BCAS1: variants seen among roughly 807,000 people sequenced by gnomAD.
The protein encoded by BCAS1 is breast carcinoma-amplified sequence 1.
Under a neutral mutation model 65.4 loss-of-function variants are expected in BCAS1, and 46 were observed. That is an observed-to-expected ratio of 0.70 (90% CI 0.55 to 0.90). The LOEUF is 0.90. BCAS1 is among the 40% of genes least tolerant of loss of function. The pLI is 0.00. For missense variants in BCAS1, 793 were observed against 771.2 expected, an observed-to-expected ratio of 1.03 and a Z score of -0.33; for synonymous variants, 298 against 293.5, an observed-to-expected ratio of 1.02 and a Z score of -0.16.
At position 53,953,334 on chromosome 20, in the gene BCAS1, T is replaced by C. The variant is rs2145506427; in HGVS notation, c.1815+98A>G. ...CTGAGTGATAGACCCGGGATCCCAG[T>C]GTGAAGAGCCACATGTAGAATTTGA... On this transcript the variant is annotated intron_variant, in intron 12 of 12. Transcript: ENST00000688948. 7.6e-6 allele frequency: 11 copies of C among 1,443,920 alleles called. 1 individual carries two copies. The South Asian group carries it at 1.3e-4, about 17-fold the overall frequency. The allele number at this position is 1,443,920 out of a possible 1,614,324, so 89.4% of individuals were successfully genotyped here. A position where few individuals can be genotyped will look rare whatever the true frequency, so the allele number is the denominator to read the frequency against.
intron 3 of BCAS1, among the ~76,000 whole-genome samples, chr20:54,041,778 A>G (rs1480952847): frequency 6.6e-6 from 1 of 151,704 alleles, no homozygotes; most frequent in East Asian, 1.9e-4. Flanking sequence ...GGGCGCCTGT[A>G]ATCTCAGCTA....
chr20:54,022,779 G>T (rs765628969), intron 4 of BCAS1, among the ~76,000 whole-genome samples: 1 of 152,088 alleles, frequency 6.6e-6, no homozygotes, highest in Non-Finnish European at 1.5e-5. Context: ...TTTTAAAATG[G>T]GGCTATTATT....
In BCAS1 at chr20:54,049,853, G is replaced by T. The variant is rs532596239; in HGVS notation, c.142+8232C>A. Among the ~76,000 whole-genome samples the T allele has an allele frequency of 5.9e-5, 9 of 152,272 alleles. No individual in the cohort carries two copies. In the South Asian group the frequency reaches 1.0e-3, roughly 18 times the overall value. The stretch of plus-strand genomic sequence containing the variant: ...ACTCAGAATAAACTTCCTTGCCAAG[G>T]TTGTACAGCTAGTGAGTGGCAGAGC... On this transcript the variant is annotated intron_variant, in intron 3 of 12. Coordinates refer to ENST00000688948, the MANE Select transcript of BCAS1 (RefSeq NM_001366298.2).
chr20:53,945,946 A>AT (rs1233967176), intron 12 of BCAS1, among the ~76,000 whole-genome samples: 4 of 151,680 alleles, frequency 2.6e-5, no homozygotes, highest in African/African-American at 4.8e-5. Context: ...TAATTTTAAA[A>AT]TTTTTTTTGT....
At chr20:53,975,848 A>G (rs1361948764) in intron 8 of BCAS1, among the ~76,000 whole-genome samples, 1 of 152,180 alleles carries the variant, frequency 6.6e-6, no homozygotes, top group Non-Finnish European at 1.5e-5. Context: ...AATTCTGGTA[A>G]TAAGTGCAGA....
At chr20:54,019,703 G>T (rs539233590) in intron 4 of BCAS1, among the ~76,000 whole-genome samples, 1 of 152,302 alleles carries the variant, frequency 6.6e-6, no homozygotes, top group Non-Finnish European at 1.5e-5. Context: ...GAAGAAGGTG[G>T]GATAAGCTGG....
At chr20:53,992,470 C>T in intron 7 of BCAS1, 42 bp downstream of exon 7, 2 of 1,360,502 alleles carry the variant, frequency 1.5e-6, no homozygotes, top group Non-Finnish European at 9.8e-7. Context: ...CTTGTGAAGA[C>T]CAGAGTTCTT....
chr20:54,055,439 T>C (rs1252026600), intron 3 of BCAS1, among the ~76,000 whole-genome samples: 1 of 151,984 alleles, frequency 6.6e-6, no homozygotes, highest in Non-Finnish European at 1.5e-5. Context: ...GATGCAAAAG[T>C]GGAAACCTCC....
At chr20:53,962,594 C>T (rs2089910780) in intron 10 of BCAS1, among the ~76,000 whole-genome samples, 1 of 152,198 alleles carries the variant, frequency 6.6e-6, no homozygotes, top group Non-Finnish European at 1.5e-5. Context: ...TCTACCCACT[C>T]ACTTTATAAA....
chr20:54,066,084 T>G (rs891479188), intron 1 of BCAS1, among the ~76,000 whole-genome samples: 2 of 151,804 alleles, frequency 1.3e-5, no homozygotes, highest in Admixed American at 6.6e-5. Context: ...TTTCTTTTTT[T>G]TTTTTTGAGG....
chr20:54,035,712 C>A (rs1305499145), intron 3 of BCAS1, among the ~76,000 whole-genome samples: 1 of 151,108 alleles, frequency 6.6e-6, no homozygotes, highest in East Asian at 1.9e-4. Flanking sequence ...TGGGTACATA[C>A]CCGAAAAATA....
intron 1 of BCAS1, among the ~76,000 whole-genome samples, chr20:54,062,609 A>AAT (rs2092389499): frequency 6.6e-6 from 1 of 152,242 alleles, no homozygotes; most frequent in African/African-American, 2.4e-5. Flanking sequence ...AGCTACTTTG[A>AAT]ATCAACACTT....
intron 3 of BCAS1, among the ~76,000 whole-genome samples, chr20:54,032,212 T>A (rs1391416063): frequency 6.6e-6 from 1 of 151,364 alleles, no homozygotes; most frequent in Non-Finnish European, 1.5e-5. Context: ...CAACCCAGAA[T>A]TTTATATCTG....
At chr20:54,017,099 G>C (rs1268742835) in intron 4 of BCAS1, among the ~76,000 whole-genome samples, 1 of 152,150 alleles carries the variant, frequency 6.6e-6, no homozygotes, top group Non-Finnish European at 1.5e-5. Context: ...ATTGTCTGTT[G>C]TTCACATAGG....
chr20:53,950,075 A>G (rs2089464466), intron 12 of BCAS1, among the ~76,000 whole-genome samples: 1 of 152,202 alleles, frequency 6.6e-6, no homozygotes, highest in African/African-American at 2.4e-5. Flanking sequence ...ACAGGGGCCA[A>G]GACTTCTTAC....
At chr20:54,039,068 CAA>C in intron 3 of BCAS1, among the ~76,000 whole-genome samples, 1 of 151,434 alleles carries the variant, frequency 6.6e-6, no homozygotes, top group Non-Finnish European at 1.5e-5. Context: ...ATGAAGACCT[CAA>C]AAAATTATGC....
intron 4 of BCAS1, among the ~76,000 whole-genome samples, chr20:54,006,494 G>A (rs949993640): frequency 5.9e-5 from 9 of 152,128 alleles, no homozygotes; most frequent in African/African-American, 1.4e-4. Flanking sequence ...CAGATCACCC[G>A]AGGTCAGGTG....
chr20:54,004,011 G>T (rs1234183182), intron 4 of BCAS1, among the ~76,000 whole-genome samples: 1 of 152,182 alleles, frequency 6.6e-6, no homozygotes, highest in Non-Finnish European at 1.5e-5. Flanking sequence ...ATTTTAGGTG[G>T]TATGTCCGCG....
intron 4 of BCAS1, among the ~76,000 whole-genome samples, chr20:54,002,891 C>T (rs953670771): frequency 2.0e-5 from 3 of 152,166 alleles, no homozygotes; most frequent in Non-Finnish European, 2.9e-5. Flanking sequence ...ACCCATCATA[C>T]TGAATCATAA....
Sources: allele counts gnomAD v4.1 joint callset (sites outside exome capture counted in the v4.1 genomes callset), GRCh38; gene constraint gnomAD v4.1.1; transcripts MANE v1.5; gene names NCBI Gene and HGNC (gene_info 2026-07-23, HGNC 2026-07-21).